CD163: variants seen among roughly 807,000 people sequenced by gnomAD.
CD163 encodes CD163 molecule.
A neutral mutation model predicts 129.2 loss-of-function variants in CD163; 64 were observed. The observed-to-expected ratio is 0.50, with a 90% CI of 0.41 to 0.61. The LOEUF is 0.61. Among genes scored for constraint, CD163 ranks in the 20% least tolerant of loss-of-function variants. The pLI, the probability that CD163 is intolerant of heterozygous loss-of-function variation, is 0.00. For missense variants in CD163, 1,061 were observed against 1,377.9 expected, an observed-to-expected ratio of 0.77 and a Z score of 3.64; for synonymous variants, 446 against 478.5, an observed-to-expected ratio of 0.93 and a Z score of 0.89.
In CD163 at chr12:7,487,734, C is replaced by T. The variant is rs896104593; in HGVS notation, c.1735+39G>A. The T allele has an allele frequency of 4.3e-6, 7 of 1,613,910 alleles. No individual in the cohort carries two copies. In the South Asian group the frequency reaches 5.5e-5, roughly 13 times the overall value. ...TGACTCCCTAACCCTGTCCCTTTCA[C>T]AGTATGAGAACCAATTAAAGATGTT... is the stretch of plus-strand genomic sequence containing the variant. On this transcript the variant is annotated intron_variant, in intron 7 of 16. Coordinates refer to ENST00000432237, the MANE Select transcript of CD163 (RefSeq NM_203416.4). The surrounding 1 kb of genome is among the most constrained non-coding windows in gnomAD (Gnocchi z 5.1).
chr12:7,483,380 T>C lies in CD163; in HGVS notation c.3075A>G (p.Ala1025=). Residue 1025 remains alanine (A), a synonymous_variant, in exon 12 of 17, where the codon GCA becomes GCG. Coordinates refer to ENST00000432237, the MANE Select transcript of CD163 (RefSeq NM_203416.4). The part of the protein sequence containing the change: ...HSECGHKEDA[A]VNCTDISVQK... ...TCTGGCACTTACCTGTGCAATTCAC[T>C]GCAGCGTCTTCCTTGTGCCCACACT... 3.7e-6 allele frequency: 6 copies of C among 1,613,046 alleles called. No homozygotes were observed. Among genetic ancestry groups the C allele is most frequent in the Non-Finnish European group, 5.1e-6 (6 of 1,179,604 alleles).
Position 7,483,510 on chromosome 12 carries a change from G to A in CD163, c.2945C>T (p.Ala982Val), listed in dbSNP as rs1949193000. The A allele has an allele frequency of 6.2e-7, 1 of 1,613,766 alleles. No homozygotes were observed. The highest frequency in any genetic ancestry group is 1.7e-5 in the Admixed American group (1 of 59,984). ...CGPALKAFKE[A>V]EFGQGTGPIW... ...CGGTCCAGTCCCCTGACCAAACTCT[G>A]CTTCTTTGAATGCTTTCAAAGCTGG... Residue 982 changes from alanine to valine, a missense_variant, in exon 12 of 17, where the codon GCA (alanine) becomes GTA (valine). Coordinates refer to ENST00000432237, the MANE Select transcript of CD163 (RefSeq NM_203416.4).
intron 4 of CD163, 121 bp from the exon 5 acceptor site, chr12:7,497,254 T>C (rs1343127323): frequency 1.3e-6 from 1 of 770,724 alleles, no homozygotes; most frequent in East Asian, 2.5e-5. Context: ...GAGAAAACTG[T>C]GATGTACTGT....
Position 7,491,779 on chromosome 12 carries a change from C to T in CD163, c.1420+3302G>A, listed in dbSNP as rs79996581. Among the ~76,000 whole-genome samples, 677 of 152,196 alleles carry T rather than the reference C, an allele frequency of 4.4e-3. 9 individuals carry two copies. Among genetic ancestry groups the T allele is most frequent in the African/African-American group, 0.015 (606 of 41,534 alleles). On this transcript the variant is annotated intron_variant, in intron 6 of 16. Coordinates refer to ENST00000432237, the MANE Select transcript of CD163 (RefSeq NM_203416.4). ...CATCCTAAGTTAAAAGACAGCATAG[C>T]TCAAATGAACTGTTTCTTAAGGTCA...
intron 16 of CD163, among the ~76,000 whole-genome samples, chr12:7,472,336 C>A (rs995114011): frequency 1.3e-5 from 2 of 152,198 alleles, no homozygotes; most frequent in African/African-American, 2.4e-5. Context: ...TGGCTGGCAT[C>A]AGGCCAGTAC....
Position 7,487,097 on chromosome 12 carries a change from G to T in CD163, c.2051-111C>A. On this transcript the variant is annotated intron_variant, in intron 8 of 16. Coordinates refer to ENST00000432237, the MANE Select transcript of CD163 (RefSeq NM_203416.4). This position sits in a 1 kb window ranked among gnomAD's most constrained non-coding sequence, Gnocchi z 5.1. The stretch of plus-strand genomic sequence containing the variant: ...ACATAGCTTAGAGAGAGAGGGGAAG[G>T]TGGATGGTCAACAAGTTTGAAATAA... 1 of 856,228 alleles carries T rather than the reference G, an allele frequency of 1.2e-6. No homozygotes were observed. Among genetic ancestry groups the T allele is most frequent in the South Asian group, 1.7e-5 (1 of 57,502 alleles). 53.0% of individuals were successfully genotyped at this position (856,228 alleles called of 1,614,324 possible). A position where few individuals can be genotyped will look rare whatever the true frequency, so the allele number is the denominator to read the frequency against.
chr12:7,497,650 C>T (rs1362270015), intron 4 of CD163, among the ~76,000 whole-genome samples: 1 of 152,182 alleles, frequency 6.6e-6, no homozygotes, highest in African/African-American at 2.4e-5. Context: ...TTTTCACCTT[C>T]CCCAAATCAA....
chr12:7,498,724 G>A (rs11054182), intron 4 of CD163, 144 bp downstream of exon 4: 36 of 773,696 alleles, frequency 4.7e-5, no homozygotes, highest in Non-Finnish European at 6.8e-5. Context: ...ACAGGTATCA[G>A]AACTGGAACC....
chr12:7,502,820 GC>G, intron 1 of CD163: 1 of 559,256 alleles, frequency 1.8e-6, no homozygotes. Context: ...AACGAGAATT[GC>G]AAGGTCAACC....
chr12:7,472,409 C>T (rs951710734), intron 16 of CD163, among the ~76,000 whole-genome samples: 5 of 152,312 alleles, frequency 3.3e-5, no homozygotes, highest in Non-Finnish European at 4.4e-5. Flanking sequence ...CTGCAGCCTT[C>T]GCTGGTAATA....
At chr12:7,474,688 A>G (rs1178083568) in intron 16 of CD163, among the ~76,000 whole-genome samples, 4 of 152,056 alleles carry the variant, frequency 2.6e-5, no homozygotes, top group Non-Finnish European at 5.9e-5. Context: ...AGAGCAAACA[A>G]ATTCAAAAGC....
At chr12:7,474,916 T>C (rs148127353) in intron 16 of CD163, among the ~76,000 whole-genome samples, 196 of 151,938 alleles carry the variant, frequency 1.3e-3, no homozygotes, top group African/African-American at 4.4e-3. Flanking sequence ...CCCACAGAAA[T>C]GCAAACTACC....
At chr12:7,499,569 T>G (rs1256012248) in intron 3 of CD163, among the ~76,000 whole-genome samples, 1 of 152,204 alleles carries the variant, frequency 6.6e-6, no homozygotes, top group African/African-American at 2.4e-5. Flanking sequence ...AGCAAATTGA[T>G]TAACTCCACT....
intron 6 of CD163, among the ~76,000 whole-genome samples, chr12:7,493,876 C>T (rs889426199): frequency 6.6e-6 from 1 of 151,664 alleles, no homozygotes; most frequent in African/African-American, 2.4e-5. Flanking sequence ...AATGGCTAAC[C>T]TTGTCAGGTA....
intron 16 of CD163, among the ~76,000 whole-genome samples, chr12:7,472,883 A>G (rs1949025513): frequency 6.6e-6 from 1 of 152,230 alleles, no homozygotes; most frequent in Non-Finnish European, 1.5e-5. Flanking sequence ...AACACAAATG[A>G]CCTGATGGAG....
chr12:7,480,617 G>C (rs909155774), intron 15 of CD163: 2 of 153,654 alleles, frequency 1.3e-5, no homozygotes, highest in African/African-American at 4.8e-5. Flanking sequence ...TGTACAACAT[G>C]AGGATTATAG....
Position 7,496,991 on chromosome 12 carries a change from C to T in CD163, c.921G>A (p.Leu307=), listed in dbSNP as rs1255697692. ...TGGCTGTGACGGCAGTTGGACATCCCAGTTGCTTGCATGCCACAGCAGCAT... is the reference window on the plus strand; with the variant it reads ...TGGCTGTGACGGCAGTTGGACATCCTAGTTGCTTGCATGCCACAGCAGCAT... ...SYDAAVACKQ[L]GCPTAVTAIG... The change falls in exon 5 of 17, where the codon CTG becomes CTA. Residue 307 remains leucine (L), a synonymous_variant. Coordinates refer to ENST00000432237, the MANE Select transcript of CD163 (RefSeq NM_203416.4). This position sits in a 1 kb window ranked among gnomAD's most constrained non-coding sequence, Gnocchi z 4.8. 3 of 1,614,040 alleles carry T rather than the reference C, an allele frequency of 1.9e-6. No homozygotes were observed. The East Asian group carries it at 6.7e-5, about 36-fold the overall frequency.
chr12:7,485,019 A>G lies in CD163; in HGVS notation c.2779+77T>C, dbSNP rs1375084758. 3.1e-6 allele frequency: 4 copies of G among 1,295,186 alleles called. No individual in the cohort carries two copies. Among genetic ancestry groups the G allele is most frequent in the Non-Finnish European group, 4.2e-6 (4 of 941,680 alleles). The allele number at this position is 1,295,186 out of a possible 1,614,324, so 80.2% of individuals were successfully genotyped here. Reference sequence around the variant, plus strand: ...TAAGCCAGTGTGAGAATAGGAAAATAAAATCCAGTGTCCATTATCAGAAGA... The same window carrying G: ...TAAGCCAGTGTGAGAATAGGAAAATGAAATCCAGTGTCCATTATCAGAAGA... On this transcript the variant is annotated intron_variant, in intron 11 of 16. Coordinates refer to ENST00000432237, the MANE Select transcript of CD163 (RefSeq NM_203416.4). This position sits in a 1 kb window ranked among gnomAD's most constrained non-coding sequence, Gnocchi z 4.5.
Position 7,498,943 on chromosome 12 carries a change from G to A in CD163, c.703C>T (p.Leu235Phe). ...DLICNGNESA[L>F]WNCKHQGWGK... ...CATCCTTGATGTTTGCAGTTCCAGA[G>A]AGCTGACTCATTTCCGTTGCATATA... Residue 235 changes from leucine to phenylalanine, a missense_variant, in exon 4 of 17, where the codon CTC becomes TTC. Transcript: ENST00000432237. 6.2e-7 allele frequency: 1 copy of A among 1,614,120 alleles called. No homozygotes were observed. Among genetic ancestry groups the A allele is most frequent in the African/African-American group, 1.3e-5 (1 of 75,028 alleles).
Sources: allele counts gnomAD v4.1 joint callset (sites outside exome capture counted in the v4.1 genomes callset), GRCh38; gene constraint gnomAD v4.1.1; non-coding constraint Gnocchi (gnomAD v3.1); transcripts MANE v1.5; gene names NCBI Gene and HGNC (gene_info 2026-07-23, HGNC 2026-07-21).